Variants in TBXAS1 observed in about 807,000 individuals in gnomAD.
TBXAS1 encodes thromboxane-A synthase.
TBXAS1 carries 48 observed loss-of-function variants against 60.7 expected under a neutral mutation model. The observed-to-expected ratio is 0.79, with a 90% CI of 0.63 to 1.01. The LOEUF is 1.01. TBXAS1 is among the 50% of genes least tolerant of loss of function. The pLI is 0.00. For missense variants in TBXAS1, 685 were observed against 686.3 expected, an observed-to-expected ratio of 1.00 and a Z score of 0.02; for synonymous variants, 287 against 269.7, an observed-to-expected ratio of 1.06 and a Z score of -0.63.
chr7:139,853,015 G>C (rs1271766108), intron 1 of TBXAS1, among the ~76,000 whole-genome samples: 2 of 150,584 alleles, frequency 1.3e-5, no homozygotes, highest in Admixed American at 6.6e-5. Context: ...CAACCTGTCT[G>C]CTCTGCACAA....
intron 3 of TBXAS1, among the ~76,000 whole-genome samples, chr7:139,888,423 G>A (rs753738004): frequency 3.9e-5 from 6 of 152,200 alleles, no homozygotes; most frequent in South Asian, 4.1e-4. Flanking sequence ...CTGACCCTTC[G>A]ATCTCTGGGC....
intron 1 of TBXAS1, among the ~76,000 whole-genome samples, chr7:139,832,963 C>T (rs986400919): frequency 5.3e-5 from 8 of 152,096 alleles, no homozygotes; most frequent in Non-Finnish European, 1.0e-4. Context: ...AAAGGAGCTC[C>T]AAATCTTGAA....
intron 9 of TBXAS1, among the ~76,000 whole-genome samples, chr7:139,966,591 G>A (rs1199922780): frequency 6.6e-6 from 1 of 152,224 alleles, no homozygotes; most frequent in Non-Finnish European, 1.5e-5. Flanking sequence ...AACTCAGTGA[G>A]GTACCAACTT....
intron 4 of TBXAS1, among the ~76,000 whole-genome samples, chr7:139,914,682 C>A (rs1301229275): frequency 3.9e-5 from 6 of 152,160 alleles, no homozygotes; most frequent in African/African-American, 1.4e-4. Flanking sequence ...GCCTTCCCTG[C>A]CTCCATCCAC....
chr7:139,813,180 G>A (rs1217922447), intron 4 of TBXAS1, among the ~76,000 whole-genome samples: 1 of 152,232 alleles, frequency 6.6e-6, no homozygotes, highest in African/African-American at 2.4e-5. Context: ...TTCATCCTCT[G>A]AGGAGGCGCT....
chr7:139,785,197 C>G (rs1408613867), intron 3 of TBXAS1, among the ~76,000 whole-genome samples: 2 of 152,124 alleles, frequency 1.3e-5, no homozygotes, highest in Non-Finnish European at 2.9e-5. Context: ...CCGTGTCCTT[C>G]TCCCTTCACC....
intron 9 of TBXAS1, among the ~76,000 whole-genome samples, chr7:140,000,300 C>G (rs2362457): frequency 0.43 from 64,568 of 151,844 alleles, 15,472 homozygotes; most frequent in African/African-American, 0.67. Context: ...AGGAGTTCAA[C>G]ACAAGCCTGG....
At chr7:140,006,943 T>G in intron 9 of TBXAS1, 148 bp from the exon 10 acceptor site, 2 of 793,236 alleles carry the variant, frequency 2.5e-6, no homozygotes, top group South Asian at 2.8e-5. Context: ...TCAGATGCAA[T>G]TTGGGTCATA....
intron 1 of TBXAS1, among the ~76,000 whole-genome samples, chr7:139,863,575 A>G (rs186422425): frequency 1.2e-3 from 181 of 152,332 alleles, no homozygotes; most frequent in Admixed American, 2.9e-3. Flanking sequence ...TTGGAATGCA[A>G]CTATCAGACA....
intron 5 of TBXAS1, among the ~76,000 whole-genome samples, chr7:139,941,488 A>G (rs529333132): frequency 6.6e-6 from 1 of 152,092 alleles, no homozygotes; most frequent in African/African-American, 2.4e-5. Context: ...ACAGAGAACC[A>G]GGGAAAATGT....
upstream of TBXAS1, among the ~76,000 whole-genome samples, chr7:139,825,002 G>C (rs1244764180): frequency 1.3e-5 from 2 of 151,568 alleles, no homozygotes; most frequent in African/African-American, 4.8e-5. Flanking sequence ...GCAAATTTTT[G>C]TATTTTTAGT....
At chr7:139,802,869 G>A (rs1376712139) in intron 4 of TBXAS1, among the ~76,000 whole-genome samples, 3 of 152,184 alleles carry the variant, frequency 2.0e-5, no homozygotes, top group African/African-American at 7.2e-5. Flanking sequence ...ATGCTCTCTT[G>A]CCTGCTGCCA....
At chr7:139,829,587 T>C in intron 1 of TBXAS1, 108 bp downstream of exon 1, 1 of 1,039,344 alleles carries the variant, frequency 9.6e-7, no homozygotes, top group South Asian at 1.4e-5. Context: ...TCTTTTCTAA[T>C]CTAGCGGGAG....
chr7:139,951,920 A>G (rs1809364196), intron 5 of TBXAS1, among the ~76,000 whole-genome samples: 5 of 109,976 alleles, frequency 4.5e-5, no homozygotes, highest in Admixed American at 1.1e-4. Context: ...AAAGAAAGAG[A>G]GAAAGAAAGA....
rs1467098535 is a variant in TBXAS1 at position 139,896,118 on chromosome 7, C to G, written c.237-15107C>G. 1.3e-5 allele frequency among the ~76,000 whole-genome samples: 2 copies of G among 152,294 alleles called. No individual in the cohort carries two copies. Among genetic ancestry groups the G allele is most frequent in the Admixed American group, 1.3e-4 (2 of 15,292 alleles). Reference sequence around the variant, plus strand: ...GCTTAAAACCATCCTTCCACTTGCTCTTAAGGGTGAGGCGCTCTGCTAGCT... The same window carrying G: ...GCTTAAAACCATCCTTCCACTTGCTGTTAAGGGTGAGGCGCTCTGCTAGCT... On this transcript the variant is annotated intron_variant, in intron 3 of 12. Transcript: ENST00000448866. The surrounding 1 kb of genome is among the most constrained non-coding windows in gnomAD (Gnocchi z 4.0).
At chr7:139,972,495 T>C (rs1811275423) in intron 9 of TBXAS1, among the ~76,000 whole-genome samples, 1 of 152,058 alleles carries the variant, frequency 6.6e-6, no homozygotes, top group Non-Finnish European at 1.5e-5. Flanking sequence ...TCTTAAAACA[T>C]CAAAAGAATG....
At chr7:139,956,569 A>G (rs1331380633) in intron 7 of TBXAS1, among the ~76,000 whole-genome samples, 5 of 152,252 alleles carry the variant, frequency 3.3e-5, no homozygotes, top group Non-Finnish European at 7.3e-5. Context: ...ATTTCTAACC[A>G]TTCTGCTGGG....
intron 3 of TBXAS1, among the ~76,000 whole-genome samples, chr7:139,785,485 T>TTGC (rs1797162297): frequency 1.3e-5 from 2 of 148,654 alleles, no homozygotes; most frequent in African/African-American, 5.2e-5. Flanking sequence ...GTTGTTGTTG[T>TTGC]TGTTTTTTGT....
At chr7:139,973,637 G>A (rs1811369813) in intron 9 of TBXAS1, among the ~76,000 whole-genome samples, 2 of 151,626 alleles carry the variant, frequency 1.3e-5, no homozygotes, top group African/African-American at 2.4e-5. Flanking sequence ...TGTTAGTCCA[G>A]GCGTATGAAT....
Sources: allele counts gnomAD v4.1 joint callset (sites outside exome capture counted in the v4.1 genomes callset), GRCh38; gene constraint gnomAD v4.1.1; non-coding constraint Gnocchi (gnomAD v3.1); transcripts MANE v1.5; gene names NCBI Gene and HGNC (gene_info 2026-07-23, HGNC 2026-07-21).